CRACD: variants seen among roughly 807,000 people sequenced by gnomAD.
CRACD encodes the protein capping protein inhibiting regulator of actin dynamics.
A neutral mutation model predicts 106.8 loss-of-function variants in CRACD; 56 were observed. That is an observed-to-expected ratio of 0.52 (90% CI 0.42 to 0.66). CRACD has a LOEUF of 0.66. CRACD is among the 30% of genes least tolerant of loss of function. CRACD has a pLI of 0.00. For synonymous variants in CRACD, 754 were observed against 670.8 expected, an observed-to-expected ratio of 1.12 and a Z score of -1.92; for missense variants, 1,730 against 1,623.2, an observed-to-expected ratio of 1.07 and a Z score of -1.13.
chr4:56,256,921 T>G (rs1741390408), intron 2 of CRACD, among the ~76,000 whole-genome samples: 1 of 152,108 alleles, frequency 6.6e-6, no homozygotes, highest in South Asian at 2.1e-4. Context: ...CCTTTCTCCC[T>G]TTGGAATTCA....
intron 3 of CRACD, among the ~76,000 whole-genome samples, chr4:56,290,660 CAATAAA>C (rs1743654091): frequency 6.6e-6 from 1 of 152,084 alleles, no homozygotes; most frequent in Non-Finnish European, 1.5e-5. Flanking sequence ...ACCTGTCTGT[CAATAAA>C]AATAATATCA....
Position 56,309,897 on chromosome 4 carries a change from G to A in CRACD, c.286-769G>A, listed in dbSNP as rs1520029. 5.5e-3 allele frequency among the ~76,000 whole-genome samples: 842 copies of A among 151,914 alleles called. 11 individuals are homozygous for A. Among genetic ancestry groups the A allele is most frequent in the African/African-American group, 0.019 (788 of 41,430 alleles). The stretch of plus-strand genomic sequence containing the variant: ...TAAAGTAAAAAGTTAGCCAGACGTG[G>A]CACATGCCTCTAGTCCCAGCTACCT... On this transcript the variant is annotated intron_variant, in intron 5 of 10. Transcript: ENST00000682029.
At chr4:56,280,446 G>T (rs938614778) in intron 3 of CRACD, among the ~76,000 whole-genome samples, 2 of 152,044 alleles carry the variant, frequency 1.3e-5, no homozygotes, top group Admixed American at 1.3e-4. Context: ...CTGCACAAAT[G>T]TGCCTTCCTT....
At chr4:56,114,005 A>G (rs536096561) in intron 1 of CRACD, among the ~76,000 whole-genome samples, 2 of 151,948 alleles carry the variant, frequency 1.3e-5, no homozygotes, top group Non-Finnish European at 2.9e-5. Context: ...AATATTAATT[A>G]TATATAGAAT....
chr4:56,309,794 C>T (rs1745006774), intron 5 of CRACD, among the ~76,000 whole-genome samples: 1 of 152,140 alleles, frequency 6.6e-6, no homozygotes, highest in Non-Finnish European at 1.5e-5. Flanking sequence ...GCAGAGGTTG[C>T]AGTGAGCTGA....
At chr4:56,155,243 A>G (rs1735728870) in intron 1 of CRACD, among the ~76,000 whole-genome samples, 1 of 152,168 alleles carries the variant, frequency 6.6e-6, no homozygotes, top group South Asian at 2.1e-4. Context: ...AAGGGAAAAG[A>G]GAGAGTCAGT....
At chr4:56,092,100 T>C (rs1448928767) in intron 1 of CRACD, among the ~76,000 whole-genome samples, 1 of 152,008 alleles carries the variant, frequency 6.6e-6, no homozygotes, top group East Asian at 1.9e-4. Flanking sequence ...ATGAACAAAA[T>C]AGTTTAGTGA....
At position 56,323,504 on chromosome 4, in the gene CRACD, G is replaced by C; in HGVS notation, c.3315G>C (p.Ala1105=). The C allele has an allele frequency of 6.2e-7, 1 of 1,607,562 alleles. No individual in the cohort carries two copies. Among genetic ancestry groups the C allele is most frequent in the Non-Finnish European group, 8.5e-7 (1 of 1,178,298 alleles). The change falls in exon 9 of 11, where the codon GCG becomes GCC. Residue 1105 remains alanine (A), a synonymous_variant. Transcript: ENST00000682029. ...AAAAGGGGTTTCGGGAGCAGCAGGC[G>C]ACGCGGGAGGAGAGAAAGCAAGCCA... ...QKQKGFREQQ[A]TREERKQARE...
intron 2 of CRACD, among the ~76,000 whole-genome samples, chr4:56,244,799 A>C (rs138666174): frequency 1.3e-5 from 2 of 152,206 alleles, no homozygotes; most frequent in Non-Finnish European, 2.9e-5. Context: ...AAAGTTTTGA[A>C]TATAACTCCT....
At chr4:56,293,434 T>C (rs1743809547) in intron 3 of CRACD, among the ~76,000 whole-genome samples, 2 of 152,190 alleles carry the variant, frequency 1.3e-5, no homozygotes, top group African/African-American at 4.8e-5. Context: ...ATAAAGAGGC[T>C]AACTTTAAAA....
At position 56,201,967 on chromosome 4, in the gene CRACD, G is replaced by C. The variant is rs1022611319; in HGVS notation, c.-189+22537G>C. On this transcript the variant is annotated intron_variant, in intron 2 of 10. Transcript: ENST00000682029. ...AGTAAGAAGTTGGAGACAAGTTATT[G>C]TTCAGCATTAGGAAAACTCGCTAAA... 2.0e-5 allele frequency among the ~76,000 whole-genome samples: 3 copies of C among 152,182 alleles called. No individual in the cohort carries two copies. The South Asian group carries it at 6.2e-4, about 32-fold the overall frequency.
chr4:56,281,647 A>G (rs1396110469), intron 3 of CRACD, among the ~76,000 whole-genome samples: 1 of 152,210 alleles, frequency 6.6e-6, no homozygotes, highest in Non-Finnish European at 1.5e-5. Flanking sequence ...GAGGATATTG[A>G]TGACTACTAT....
At chr4:56,115,893 A>G (rs1734258969) in intron 1 of CRACD, among the ~76,000 whole-genome samples, 1 of 152,198 alleles carries the variant, frequency 6.6e-6, no homozygotes, top group Non-Finnish European at 1.5e-5. Context: ...TATCTGGTTT[A>G]TAAACTGGAT....
Position 56,314,939 on chromosome 4 carries a change from C to G in CRACD, c.1437C>G (p.Pro479=). 6.3e-7 allele frequency: 1 copy of G among 1,598,546 alleles called. No individual in the cohort carries two copies. The highest frequency in any genetic ancestry group is 1.1e-5 in the South Asian group (1 of 88,240). Residue 479 remains proline, a synonymous_variant, in exon 8 of 11, where the codon CCC becomes CCG. Transcript: ENST00000682029. The surrounding 1 kb of genome is among the most constrained non-coding windows in gnomAD (Gnocchi z 4.4). ...TCCAGGGGGCCGATCGTCCTGGGCC[C>G]GAGGAAAAGAGAGAAGAAGGGGACA... is the stretch of plus-strand genomic sequence containing the variant. The part of the protein sequence containing the change: ...GDFQGADRPG[P]EEKREEGDTE...
intron 4 of CRACD, chr4:56,301,202 A>G: frequency 7.8e-7 from 1 of 1,286,232 alleles, no homozygotes; most frequent in South Asian, 1.2e-5. Flanking sequence ...ATCATCCCCA[A>G]AAAGACTGTG....
At chr4:56,213,315 G>C (rs181308558) in intron 2 of CRACD, among the ~76,000 whole-genome samples, 1 of 152,076 alleles carries the variant, frequency 6.6e-6, no homozygotes, top group Non-Finnish European at 1.5e-5. Context: ...TCGTAGTGGC[G>C]TATGCCTGTA....
chr4:56,328,230 G>T lies in CRACD; in HGVS notation c.*426G>T. On this transcript the variant is annotated 3_prime_UTR_variant, in exon 11 of 11. Transcript: ENST00000682029. The stretch of plus-strand genomic sequence containing the variant: ...AAACATTTACTCTACCATATGTCTG[G>T]GAATGTTTATCCTTTCTACAGTAAT... 2.1e-6 allele frequency: 1 copy of T among 466,402 alleles called. No individual in the cohort carries two copies. 28.9% of individuals were successfully genotyped at this position (466,402 alleles called of 1,614,324 possible).
At chr4:56,157,765 T>G (rs538172419) in intron 1 of CRACD, among the ~76,000 whole-genome samples, 1 of 152,314 alleles carries the variant, frequency 6.6e-6, no homozygotes, top group South Asian at 2.1e-4. Flanking sequence ...AGAACTTCCT[T>G]TTAAAATTCA....
intron 3 of CRACD, among the ~76,000 whole-genome samples, chr4:56,291,019 A>G (rs1257696299): frequency 6.6e-6 from 1 of 152,206 alleles, no homozygotes; most frequent in Non-Finnish European, 1.5e-5. Flanking sequence ...TTGTTAAATG[A>G]CTATATTGAC....
Sources: gnomAD v4.1 joint callset for allele counts (sites outside exome capture counted in the v4.1 genomes callset) on GRCh38, gnomAD v4.1.1 for gene constraint, Gnocchi (gnomAD v3.1) non-coding constraint, MANE v1.5 for transcripts, NCBI Gene and HGNC (gene_info 2026-07-23, HGNC 2026-07-21) for gene names.